The following ABCA12 variants were observed in gnomAD, a reference collection of about 807,000 sequenced individuals.
ABCA12 encodes ATP binding cassette subfamily A member 12.
ABCA12 carries 156 observed loss-of-function variants against 293.5 expected under a neutral mutation model. That is an observed-to-expected ratio of 0.53 (90% confidence interval 0.47 to 0.61). The LOEUF (loss-of-function observed/expected upper bound fraction) is 0.61, where lower values mean the gene tolerates loss of function less well. Ranked by LOEUF, ABCA12 falls within the 20% of genes least tolerant of loss-of-function variation. ABCA12 has a pLI of 0.00. For synonymous variants in ABCA12, 1,063 were observed against 1,108.0 expected, an observed-to-expected ratio of 0.96 and a Z score of 0.81; for missense variants, 2,797 against 3,090.2, an observed-to-expected ratio of 0.91 and a Z score of 2.25.
intron 7 of ABCA12, among the ~76,000 whole-genome samples, chr2:215,041,865 T>C (rs1164655648): frequency 6.6e-6 from 1 of 152,202 alleles, no homozygotes; most frequent in African/African-American, 2.4e-5. Context: ...TGCAACAACA[T>C]GGATGAACCC....
intron 2 of ABCA12, among the ~76,000 whole-genome samples, chr2:215,083,642 A>G (rs1559184427): frequency 6.6e-6 from 1 of 152,226 alleles, no homozygotes; most frequent in Non-Finnish European, 1.5e-5. Flanking sequence ...TATACTAACT[A>G]TTAATAGAAT....
intron 28 of ABCA12, among the ~76,000 whole-genome samples, chr2:214,984,902 T>C (rs1412613534): frequency 1.3e-5 from 2 of 152,178 alleles, no homozygotes; most frequent in African/African-American, 4.8e-5. Context: ...GATTAGAATA[T>C]TCTCACCTGG....
intron 39 of ABCA12, among the ~76,000 whole-genome samples, chr2:214,961,268 ATACTAT>A (rs1307941369): frequency 6.6e-6 from 1 of 152,148 alleles, no homozygotes; most frequent in African/African-American, 2.4e-5. Flanking sequence ...GCTAGAAGAC[ATACTAT>A]TACTAATTTC....
Position 214,990,691 on chromosome 2 carries a change from G to A in ABCA12, c.3624+11C>T, listed in dbSNP as rs779030424. The A allele has an allele frequency of 1.7e-5, 28 of 1,612,916 alleles. No individual in the cohort carries two copies. In the African/African-American group the frequency reaches 1.9e-4, roughly 11 times the overall value. The stretch of plus-strand genomic sequence containing the variant: ...TAATTTCCCACTCTGCCATTCCAAC[G>A]GTTGACTTACCATGAACACTTTCAA... On this transcript the variant is annotated intron_variant, in intron 24 of 52. Coordinates refer to ENST00000272895, the MANE Select transcript of ABCA12 (RefSeq NM_173076.3).
chr2:214,965,859 A>G lies in ABCA12; in HGVS notation c.5884+989T>C, dbSNP rs1699243349. ...TCAAAGATCTACAGGCAGAAATACC[A>G]TTTCACCCAGCAGTCTTATTACTAC... On this transcript the variant is annotated intron_variant, in intron 39 of 52. Coordinates refer to ENST00000272895, the MANE Select transcript of ABCA12 (RefSeq NM_173076.3). Among the ~76,000 whole-genome samples the G allele has an allele frequency of 2.6e-5, 4 of 152,308 alleles. No homozygotes were observed. In the South Asian group the frequency reaches 8.3e-4, roughly 32 times the overall value.
chr2:215,062,236 T>C (rs1701542884), intron 3 of ABCA12, among the ~76,000 whole-genome samples: 1 of 152,064 alleles, frequency 6.6e-6, no homozygotes, highest in South Asian at 2.1e-4. Context: ...TTATTCCTAA[T>C]TCATCACTCA....
intron 1 of ABCA12, among the ~76,000 whole-genome samples, chr2:215,117,509 T>C (rs1267119257): frequency 6.6e-6 from 1 of 152,240 alleles, no homozygotes; most frequent in Non-Finnish European, 1.5e-5. Flanking sequence ...AATATTTTCC[T>C]CTGCACCTGC....
At chr2:215,081,075 G>A (rs1271920794) in intron 2 of ABCA12, among the ~76,000 whole-genome samples, 1 of 152,194 alleles carries the variant, frequency 6.6e-6, no homozygotes, top group Non-Finnish European at 1.5e-5. Flanking sequence ...AGGAAAGAGA[G>A]AAATCAATTA....
At chr2:215,057,220 C>T (rs1459364945) in intron 3 of ABCA12, among the ~76,000 whole-genome samples, 1 of 152,020 alleles carries the variant, frequency 6.6e-6, no homozygotes, top group East Asian at 1.9e-4. Flanking sequence ...CCATCATCTC[C>T]CTCACCAGCA....
At chr2:215,127,988 G>A (rs1228251717) in intron 1 of ABCA12, among the ~76,000 whole-genome samples, 2 of 152,156 alleles carry the variant, frequency 1.3e-5, no homozygotes, top group Non-Finnish European at 2.9e-5. Context: ...TTGTAGTGGT[G>A]CTTTGGTAAT....
chr2:215,011,878 TC>T, intron 16 of ABCA12, 92 bp downstream of exon 16: 2 of 1,382,526 alleles, frequency 1.4e-6, no homozygotes, highest in South Asian at 1.2e-5. Flanking sequence ...TTTTTTTTTT[TC>T]AATGTACTAC....
chr2:215,081,812 G>A (rs1471768073), intron 2 of ABCA12, among the ~76,000 whole-genome samples: 10 of 152,092 alleles, frequency 6.6e-5, no homozygotes. Context: ...AGACCTGGAA[G>A]ACAAGATTGA....
Position 214,990,726 on chromosome 2 carries a change from CA to C in ABCA12, c.3599del (p.Leu1200Ter), listed in dbSNP as rs1338960022. The C allele has an allele frequency of 6.2e-7, 1 of 1,613,988 alleles. No homozygotes were observed. ...FIVLVTVENE[L>X]SYVLKVFMSL... ...CCATGAACACTTTCAATACATAGCTCAACTCATTCTCCACTGTAACCAGAAC... is the reference window on the plus strand; with the variant it reads ...CCATGAACACTTTCAATACATAGCTCACTCATTCTCCACTGTAACCAGAAC... On this transcript the variant is annotated frameshift_variant, in exon 24 of 53. Transcript: ENST00000272895. LOFTEE classifies it high-confidence loss of function.
At chr2:214,959,603 CTTA>C (rs1699057602) in intron 39 of ABCA12, among the ~76,000 whole-genome samples, 1 of 152,088 alleles carries the variant, frequency 6.6e-6, no homozygotes, top group Non-Finnish European at 1.5e-5. Context: ...TTCTAAGATG[CTTA>C]TTTTTCTAGA....
chr2:215,071,249 AT>A (rs1701733060), intron 2 of ABCA12, among the ~76,000 whole-genome samples: 1 of 139,992 alleles, frequency 7.1e-6, no homozygotes, highest in Admixed American at 7.0e-5. Context: ...ATAAAATAAA[AT>A]AAAATAAAAA....
intron 2 of ABCA12, among the ~76,000 whole-genome samples, chr2:215,078,591 C>T (rs1701878058): frequency 6.6e-6 from 1 of 151,714 alleles, no homozygotes; most frequent in Admixed American, 6.6e-5. Context: ...TGTGTGTCTA[C>T]ACCCACAATG....
intron 44 of ABCA12, among the ~76,000 whole-genome samples, chr2:214,952,451 C>A (rs1698810026): frequency 6.6e-6 from 1 of 152,122 alleles, no homozygotes; most frequent in African/African-American, 2.4e-5. Flanking sequence ...GAACTCCTGA[C>A]CTCAGATGAT....
rs1699894787 is a variant in ABCA12 at position 214,990,808 on chromosome 2, T to C, written c.3518A>G (p.Asn1173Ser). The C allele has an allele frequency of 6.2e-7, 1 of 1,614,104 alleles. No homozygotes were observed. Among genetic ancestry groups the C allele is most frequent in the Non-Finnish European group, 8.5e-7 (1 of 1,179,992 alleles). The change falls in exon 24 of 53, where the codon AAC becomes AGC. Residue 1173 changes from asparagine to serine, a missense_variant. Around this residue, in one of 3 missense-constraint regions of ABCA12, gnomAD observed 2,130 missense variants for 2,427.0 expected, o/e 0.88. Coordinates refer to ENST00000272895, the MANE Select transcript of ABCA12 (RefSeq NM_173076.3). Reference protein sequence around the residue: ...YLISVFFNNTNIAALIGSLIY... With the variant: ...YLISVFFNNTSIAALIGSLIY... ...GAGGCTTCCGATCAGAGCTGCAATG[T>C]TGGTGTTGTTGAAGAAGACACTGAT...
At chr2:214,983,920 T>C in intron 28 of ABCA12, 55 bp from the exon 29 acceptor site, 1 of 1,473,092 alleles carries the variant, frequency 6.8e-7, no homozygotes, top group Non-Finnish European at 9.4e-7. Flanking sequence ...AGCTAGATAT[T>C]AGGAATAACT....
Sources: gnomAD v4.1 joint callset for allele counts (sites outside exome capture counted in the v4.1 genomes callset) on GRCh38, gnomAD v4.1.1 for gene constraint, gnomAD v4.1.1 regional missense constraint, MANE v1.5 for transcripts, NCBI Gene and HGNC (gene_info 2026-07-23, HGNC 2026-07-21) for gene names.